Variants in TENM3 observed in about 807,000 individuals in gnomAD.
TENM3 encodes the protein teneurin-3.
In TENM3, 63 loss-of-function variants were observed where a neutral mutation model predicts 255.1. The ratio of observed to expected loss-of-function variants is 0.25; its 90% CI spans 0.20 to 0.30. The LOEUF is 0.30. Among genes scored for constraint, TENM3 ranks in the 10% least tolerant of loss-of-function variants. TENM3 has a pLI of 1.00. For synonymous variants in TENM3, 1,306 were observed against 1,322.3 expected (o/e 0.99, Z 0.27); for missense variants, 2,929 against 3,461.1 (o/e 0.85, Z 3.86).
chr4:182,640,356 G>A (rs1326385977), intron 5 of TENM3, among the ~76,000 whole-genome samples: 1 of 152,148 alleles, frequency 6.6e-6, no homozygotes, highest in East Asian at 1.9e-4. Context: ...CTTTTCCACT[G>A]GGTTTCCCAA....
At chr4:182,425,670 C>T (rs756330005) in intron 3 of TENM3, among the ~76,000 whole-genome samples, 13 of 152,110 alleles carry the variant, frequency 8.5e-5, no homozygotes, top group Non-Finnish European at 1.3e-4. Flanking sequence ...TGCCCTCTTT[C>T]GCAGAATGAA....
At chr4:182,107,661 A>G in the TENM3 span, among the ~76,000 whole-genome samples, 3 of 152,194 alleles carry the variant, frequency 2.0e-5, no homozygotes, top group Non-Finnish European at 2.9e-5. Context: ...GCTTTTAAAG[A>G]AGGACAGGTA....
At chr4:181,882,794 A>G in the TENM3 span, among the ~76,000 whole-genome samples, 1 of 152,198 alleles carries the variant, frequency 6.6e-6, no homozygotes, top group Non-Finnish European at 1.5e-5. Flanking sequence ...AAATTGGTCC[A>G]ATGGATTGAG....
At chr4:182,016,519 CT>C in the TENM3 span, among the ~76,000 whole-genome samples, 2 of 152,124 alleles carry the variant, frequency 1.3e-5, no homozygotes, top group Non-Finnish European at 2.9e-5. Context: ...GCATTTTCCC[CT>C]TGGCTTCAGC....
At chr4:182,063,257 G>C in the TENM3 span, among the ~76,000 whole-genome samples, 2 of 152,178 alleles carry the variant, frequency 1.3e-5, no homozygotes, top group Non-Finnish European at 2.9e-5. Context: ...AAAGGAAAAA[G>C]TGCATAGTAG....
chr4:182,079,270 A>T, the TENM3 span, among the ~76,000 whole-genome samples: 1 of 152,160 alleles, frequency 6.6e-6, no homozygotes, highest in Non-Finnish European at 1.5e-5. Flanking sequence ...TAATCCTAGC[A>T]CTTTGGGAGG....
At chr4:182,781,943 C>CT (rs1390787623) in intron 24 of TENM3, among the ~76,000 whole-genome samples, 1 of 148,318 alleles carries the variant, frequency 6.7e-6, no homozygotes, top group Non-Finnish European at 1.5e-5. Flanking sequence ...ATTCTTCTCT[C>CT]TTTTTTTCTT....
chr4:181,999,666 T>TC, the TENM3 span, among the ~76,000 whole-genome samples: 1 of 152,112 alleles, frequency 6.6e-6, no homozygotes, highest in Non-Finnish European at 1.5e-5. Context: ...GGGGAAGACC[T>TC]CCAGGATTCT....
At chr4:181,860,812 G>A in the TENM3 span, among the ~76,000 whole-genome samples, 1 of 152,190 alleles carries the variant, frequency 6.6e-6, no homozygotes, top group South Asian at 2.1e-4. Flanking sequence ...AACATCATAT[G>A]GAGTCATTTG....
At chr4:181,574,393 C>T in the TENM3 span, among the ~76,000 whole-genome samples, 1,327 of 151,682 alleles carry the variant, frequency 8.7e-3, 9 homozygotes, top group Middle Eastern at 0.02. Context: ...TAGCCGGGCG[C>T]GGTGGCGGGC....
the TENM3 span, among the ~76,000 whole-genome samples, chr4:181,923,054 T>A: frequency 6.6e-6 from 1 of 152,142 alleles, no homozygotes; most frequent in Non-Finnish European, 1.5e-5. Flanking sequence ...TTTGAGTGAG[T>A]TTCTTAATCC....
intron 4 of TENM3, among the ~76,000 whole-genome samples, chr4:182,611,435 T>C (rs1373511741): frequency 6.6e-6 from 1 of 151,760 alleles, no homozygotes; most frequent in East Asian, 1.9e-4. Flanking sequence ...CTTTATGTAT[T>C]AAATACTAAT....
the TENM3 span, among the ~76,000 whole-genome samples, chr4:181,697,989 C>T: frequency 4.6e-5 from 7 of 151,798 alleles, no homozygotes; most frequent in South Asian, 6.2e-4. Context: ...CCAAGGCGGG[C>T]GGATCATGAG....
At chr4:182,653,059 A>G (rs921541433) in intron 5 of TENM3, among the ~76,000 whole-genome samples, 5 of 152,218 alleles carry the variant, frequency 3.3e-5, no homozygotes, top group Non-Finnish European at 7.4e-5. Flanking sequence ...TATTTTTTAA[A>G]TTTTTTAAAA....
chr4:182,488,772 T>G (rs989749101), intron 3 of TENM3, among the ~76,000 whole-genome samples: 5 of 152,070 alleles, frequency 3.3e-5, no homozygotes, highest in Admixed American at 1.3e-4. Context: ...GAAGACTATA[T>G]AAAATTATGT....
the TENM3 span, among the ~76,000 whole-genome samples, chr4:181,682,954 C>CT: frequency 6.6e-6 from 1 of 151,900 alleles, no homozygotes; most frequent in Admixed American, 6.6e-5. Flanking sequence ...TAGCTCACAC[C>CT]TTTAATCCCA....
chr4:182,450,556 A>T (rs570768710), intron 3 of TENM3, among the ~76,000 whole-genome samples: 1 of 152,346 alleles, frequency 6.6e-6, no homozygotes, highest in Admixed American at 6.5e-5. Flanking sequence ...GTGATGATGA[A>T]TTTGAGATCC....
intron 3 of TENM3, among the ~76,000 whole-genome samples, chr4:182,578,235 A>G (rs1339874341): frequency 1.3e-5 from 2 of 152,172 alleles, no homozygotes; most frequent in African/African-American, 4.8e-5. Context: ...TAGGCCTCCC[A>G]AAGTGCTGGG....
the TENM3 span, among the ~76,000 whole-genome samples, chr4:182,024,000 T>G: frequency 9.2e-5 from 14 of 152,320 alleles, no homozygotes. Flanking sequence ...AGCTATTTCA[T>G]TCCGCTGTAA....
Sources: allele counts gnomAD v4.1 joint callset (sites outside exome capture counted in the v4.1 genomes callset), GRCh38; gene constraint gnomAD v4.1.1; transcripts MANE v1.5; gene names NCBI Gene and HGNC (gene_info 2026-07-23, HGNC 2026-07-21).